Variants in KIAA1217 observed in about 807,000 individuals in gnomAD.
KIAA1217 encodes sickle tail protein homolog.
A neutral mutation model predicts 163.9 loss-of-function variants in KIAA1217; 88 were observed. The observed-to-expected ratio is 0.54, with a 90% CI of 0.45 to 0.64. The LOEUF (loss-of-function observed/expected upper bound fraction) is 0.64, where lower values mean the gene tolerates loss of function less well. KIAA1217 is among the 30% of genes least tolerant of loss of function. KIAA1217 has a pLI of 0.00. For synonymous variants in KIAA1217, 903 were observed against 923.1 expected (o/e 0.98, Z 0.39); for missense variants, 2,372 against 2,475.0 (o/e 0.96, Z 0.88).
chr10:23,727,893 C>T (rs1281518798), intron 1 of KIAA1217, among the ~76,000 whole-genome samples: 2 of 152,080 alleles, frequency 1.3e-5, no homozygotes, highest in Non-Finnish European at 2.9e-5. Context: ...TGAGAACATG[C>T]AGCATTTGGT....
chr10:24,540,576 C>T (rs2074882594), intron 17 of KIAA1217, among the ~76,000 whole-genome samples: 1 of 152,086 alleles, frequency 6.6e-6, no homozygotes, highest in African/African-American at 2.4e-5. Flanking sequence ...GACCAACCAA[C>T]AGACACCAGC....
chr10:23,945,058 C>CAA (rs527334106), intron 1 of KIAA1217, among the ~76,000 whole-genome samples: 3,481 of 103,874 alleles, frequency 0.034, 73 homozygotes, highest in Admixed American at 0.081. Flanking sequence ...GACTCTATCT[C>CAA]AAAAAAAAAA....
chr10:24,355,479 C>T (rs935498936), intron 2 of KIAA1217, among the ~76,000 whole-genome samples: 2 of 152,060 alleles, frequency 1.3e-5, no homozygotes, highest in Non-Finnish European at 2.9e-5. Context: ...AGAAAGAAAG[C>T]ATCTGTCTCA....
rs1490410007 is a variant in KIAA1217, at chr10:24,322,898, G to A, written c.355-57971G>A. On this transcript the variant is annotated intron_variant, in intron 2 of 20. Coordinates refer to ENST00000376454, the MANE Select transcript of KIAA1217 (RefSeq NM_019590.5). ...ACAACTTCTTTAGAAGTTTGATAGAGTGATTTGATAATGTAATTTACAAGT... is the reference window on the plus strand; with the variant it reads ...ACAACTTCTTTAGAAGTTTGATAGAATGATTTGATAATGTAATTTACAAGT... 4.6e-5 allele frequency among the ~76,000 whole-genome samples: 7 copies of A among 152,276 alleles called. No homozygotes were observed. The South Asian group carries it at 1.2e-3, about 27-fold the overall frequency.
rs2065135073 is a variant in KIAA1217 at position 24,161,829 on chromosome 10, A to G, written c.-170-57797A>G. Reference sequence around the variant, plus strand: ...GGAACCAGGAAGGACACCCATAGAGACAAGAGGAATGTAGAACCAAGCTCA... The same window carrying G: ...GGAACCAGGAAGGACACCCATAGAGGCAAGAGGAATGTAGAACCAAGCTCA... On this transcript the variant is annotated intron_variant, in intron 2 of 18. Coordinates refer to the KIAA1217 transcript ENST00000376462. Among the ~76,000 whole-genome samples, 3 of 152,326 alleles carry G rather than the reference A, an allele frequency of 2.0e-5. No individual in the cohort carries two copies. The South Asian group carries it at 6.2e-4, about 32-fold the overall frequency.
intron 2 of KIAA1217, among the ~76,000 whole-genome samples, chr10:24,144,947 T>C (rs541755080): frequency 7.2e-5 from 11 of 152,362 alleles, no homozygotes; most frequent in African/African-American, 2.6e-4. Flanking sequence ...AAAGAGTTAT[T>C]TACAACTGCC....
intron 5 of KIAA1217, among the ~76,000 whole-genome samples, chr10:24,447,049 C>A (rs2060994675): frequency 6.6e-6 from 1 of 152,014 alleles, no homozygotes; most frequent in Non-Finnish European, 1.5e-5. Flanking sequence ...CTTCATCAAG[C>A]CTCTCTCACT....
intron 1 of KIAA1217, among the ~76,000 whole-genome samples, chr10:23,755,536 T>G (rs1335826): frequency 6.6e-6 from 1 of 152,048 alleles, no homozygotes; most frequent in Non-Finnish European, 1.5e-5. Context: ...TGAATGTAAA[T>G]GGTCTTTTCT....
chr10:24,145,601 C>T (rs1178390609), intron 2 of KIAA1217, among the ~76,000 whole-genome samples: 1 of 152,200 alleles, frequency 6.6e-6, no homozygotes, highest in Non-Finnish European at 1.5e-5. Context: ...CACGTGATCA[C>T]AAGGTGAAGT....
At chr10:24,153,959 T>A (rs1428183080) in intron 2 of KIAA1217, among the ~76,000 whole-genome samples, 6 of 122,608 alleles carry the variant, frequency 4.9e-5, no homozygotes, top group South Asian at 2.4e-4. Flanking sequence ...ACAAAAAATA[T>A]TTTTTTTTTT....
chr10:23,775,135 G>T (rs1050188551), intron 1 of KIAA1217, among the ~76,000 whole-genome samples: 1 of 152,148 alleles, frequency 6.6e-6, no homozygotes, highest in Non-Finnish European at 1.5e-5. Context: ...TCCATTAAAA[G>T]CTGCTGCCCT....
chr10:24,535,784 T>TAAAC (rs34066590), intron 16 of KIAA1217, among the ~76,000 whole-genome samples: 1 of 151,410 alleles, frequency 6.6e-6, no homozygotes, highest in Non-Finnish European at 1.5e-5. Flanking sequence ...CTCAAATAAA[T>TAAAC]AAACAAACAA....
intron 2 of KIAA1217, among the ~76,000 whole-genome samples, chr10:24,178,058 A>G (rs1054913919): frequency 1.3e-5 from 2 of 152,180 alleles, no homozygotes; most frequent in Non-Finnish European, 2.9e-5. Context: ...AGAGTTGAAG[A>G]TGTTTATTCT....
At chr10:24,044,517 AGT>A (rs1001895838) in intron 2 of KIAA1217, among the ~76,000 whole-genome samples, 5 of 151,864 alleles carry the variant, frequency 3.3e-5, no homozygotes, top group Non-Finnish European at 7.4e-5. Context: ...TTTTTTTTTA[AGT>A]GTGTCTCCCA....
intron 2 of KIAA1217, among the ~76,000 whole-genome samples, chr10:24,010,023 G>T (rs1358698493): frequency 6.6e-6 from 1 of 151,982 alleles, no homozygotes; most frequent in African/African-American, 2.4e-5. Flanking sequence ...GTTAGGGGTT[G>T]GATATCTTAT....
intron 2 of KIAA1217, among the ~76,000 whole-genome samples, chr10:24,196,208 C>A (rs1339919413): frequency 6.6e-6 from 1 of 151,562 alleles, no homozygotes; most frequent in East Asian, 1.9e-4. Context: ...ACATTAAAGG[C>A]TTTATTGTTA....
In KIAA1217 at chr10:24,482,503, G is replaced by A. The variant is rs564874954; in HGVS notation, c.1679+8443G>A. Reference sequence around the variant, plus strand: ...TTCCCACCCAACCTAAAGATGGATCGTCAAAATAGCCCAGGAGCTGATAAT... The same window carrying A: ...TTCCCACCCAACCTAAAGATGGATCATCAAAATAGCCCAGGAGCTGATAAT... On this transcript the variant is annotated intron_variant, in intron 6 of 20. Transcript: ENST00000376454. 7.2e-5 allele frequency: 11 copies of A among 152,322 alleles called. 1 individual carries two copies. The South Asian group carries it at 1.7e-3, about 23-fold the overall frequency. The allele number at this position is 152,322 out of a possible 1,614,324, so 9.4% of individuals were successfully genotyped here.
intron 8 of KIAA1217, among the ~76,000 whole-genome samples, chr10:24,500,501 C>A (rs1243064847): frequency 6.6e-6 from 1 of 152,024 alleles, no homozygotes; most frequent in African/African-American, 2.4e-5. Flanking sequence ...AGAGTCCCCT[C>A]CTGAAGAATT....
chr10:23,784,629 G>A (rs1835409714), intron 1 of KIAA1217, among the ~76,000 whole-genome samples: 1 of 151,926 alleles, frequency 6.6e-6, no homozygotes, highest in Non-Finnish European at 1.5e-5. Context: ...TTTAGTATAT[G>A]TTTTGCTTTG....
Sources: allele counts gnomAD v4.1 joint callset (sites outside exome capture counted in the v4.1 genomes callset), GRCh38; gene constraint gnomAD v4.1.1; transcripts MANE v1.5; gene names NCBI Gene and HGNC (gene_info 2026-07-23, HGNC 2026-07-21).